The following PRKG1 variants were observed in gnomAD, a reference collection of about 807,000 sequenced individuals.
The protein encoded by PRKG1 is protein kinase cGMP-dependent 1, also known as cGMP-dependent protein kinase 1.
Under a neutral mutation model 88.1 loss-of-function variants are expected in PRKG1, and 35 were observed. The ratio of observed to expected loss-of-function variants is 0.40; its 90% CI spans 0.30 to 0.53. The LOEUF (loss-of-function observed/expected upper bound fraction) is 0.53. Among genes scored for constraint, PRKG1 ranks in the 20% least tolerant of loss-of-function variants. The pLI, the probability that PRKG1 is intolerant of heterozygous loss-of-function variation, is 0.59. For synonymous variants in PRKG1, 303 were observed against 292.5 expected (o/e 1.04, Z -0.37); for missense variants, 540 against 839.8 (o/e 0.64, Z 4.41).
In PRKG1 at chr10:51,884,392, T is replaced by C. The variant is rs1261918717; in HGVS notation, c.699-23115T>C. 2.0e-4 allele frequency among the ~76,000 whole-genome samples: 23 copies of C among 115,242 alleles called. No homozygotes were observed. The East Asian group carries it at 5.8e-3, about 29-fold the overall frequency. 75.6% of individuals were successfully genotyped at this position (115,242 alleles called of 152,430 possible). On this transcript the variant is annotated intron_variant, in intron 4 of 17. Transcript: ENST00000373980. ...CCCGGGAGGCGGAGCTTGCAGTGAGTCGAGATCGCGCCACTGCACTCCAGC... is the reference window on the plus strand; with the variant it reads ...CCCGGGAGGCGGAGCTTGCAGTGAGCCGAGATCGCGCCACTGCACTCCAGC...
Position 51,719,634 on chromosome 10 carries a change from C to T in PRKG1, c.593-84951C>T, listed in dbSNP as rs142541488. The stretch of plus-strand genomic sequence containing the variant: ...CAGAAAAAGGATATTAGTGGAAAAA[C>T]AGTGAAATCTAAATAATGTTTGTAA... On this transcript the variant is annotated intron_variant, in intron 3 of 17. Transcript: ENST00000373980. Among the ~76,000 whole-genome samples, 398 of 152,226 alleles carry T rather than the reference C, an allele frequency of 2.6e-3. 8 individuals carry two copies. The East Asian group carries it at 0.032, about 12-fold the overall frequency.
At chr10:51,058,010 G>A (rs2660200) in intron 1 of PRKG1, among the ~76,000 whole-genome samples, 131,927 of 152,112 alleles carry the variant, frequency 0.87, 57,337 homozygotes, top group African/African-American at 0.92. Flanking sequence ...TTGTTCCACA[G>A]ACTAAGGATT....
At chr10:51,597,417 A>G (rs980123037) in intron 3 of PRKG1, among the ~76,000 whole-genome samples, 7 of 152,218 alleles carry the variant, frequency 4.6e-5, no homozygotes, top group Non-Finnish European at 7.3e-5. Context: ...CATTTATTTA[A>G]GAGCTATTGA....
At chr10:51,834,376 A>G (rs934517378) in intron 4 of PRKG1, among the ~76,000 whole-genome samples, 2 of 152,242 alleles carry the variant, frequency 1.3e-5, no homozygotes, top group East Asian at 3.9e-4. Flanking sequence ...GCCATGGCTC[A>G]CACCTGTAAT....
At chr10:52,107,593 A>G (rs1847456814) in intron 7 of PRKG1, among the ~76,000 whole-genome samples, 1 of 152,182 alleles carries the variant, frequency 6.6e-6, no homozygotes, top group African/African-American at 2.4e-5. Flanking sequence ...AATCACTTGA[A>G]CTTTAAAAAT....
At chr10:51,856,345 C>A (rs1197110488) in intron 4 of PRKG1, among the ~76,000 whole-genome samples, 1 of 152,110 alleles carries the variant, frequency 6.6e-6, no homozygotes, top group Non-Finnish European at 1.5e-5. Context: ...TTCTGCTCTG[C>A]CATTTTCTAG....
intron 3 of PRKG1, among the ~76,000 whole-genome samples, chr10:51,563,240 C>T (rs1837516817): frequency 1.3e-5 from 2 of 152,026 alleles, no homozygotes; most frequent in Non-Finnish European, 2.9e-5. Flanking sequence ...TGTTGTACAC[C>T]ACTGTAGATT....
At position 51,897,938 on chromosome 10, in the gene PRKG1, A is replaced by G. The variant is rs79131948; in HGVS notation, c.699-9569A>G. ...AAATCCTGCAATGGCTCTACATTTCACTCAGAATAAAGCTAAGCTCTTACA... is the reference window on the plus strand; with the variant it reads ...AAATCCTGCAATGGCTCTACATTTCGCTCAGAATAAAGCTAAGCTCTTACA... On this transcript the variant is annotated intron_variant, in intron 4 of 17. Coordinates refer to ENST00000373980, the MANE Select transcript of PRKG1 (RefSeq NM_006258.4). Among the ~76,000 whole-genome samples the G allele has an allele frequency of 5.6e-3, 858 of 151,956 alleles. 5 individuals are homozygous for G. Among genetic ancestry groups the G allele is most frequent in the Non-Finnish European group, 9.3e-3 (632 of 67,972 alleles).
chr10:51,110,153 A>G (rs1844948900), intron 1 of PRKG1, among the ~76,000 whole-genome samples: 1 of 152,068 alleles, frequency 6.6e-6, no homozygotes. Flanking sequence ...TTTTTAAAAA[A>G]ACTGTTAAAC....
At chr10:51,294,987 G>A (rs909467720) in intron 2 of PRKG1, among the ~76,000 whole-genome samples, 1 of 152,116 alleles carries the variant, frequency 6.6e-6, no homozygotes. Flanking sequence ...GGAGACTGAG[G>A]GGGGAGGATT....
chr10:51,884,563 T>A (rs1297440367), intron 4 of PRKG1, among the ~76,000 whole-genome samples: 1 of 149,916 alleles, frequency 6.7e-6, no homozygotes, highest in African/African-American at 2.5e-5. Flanking sequence ...GCTTAAAACA[T>A]GATTTATTGT....
At chr10:51,689,055 A>G (rs183141055) in intron 3 of PRKG1, among the ~76,000 whole-genome samples, 7 of 152,262 alleles carry the variant, frequency 4.6e-5, no homozygotes, top group Admixed American at 4.6e-4. Flanking sequence ...CCATCCATAT[A>G]AGACATGACT....
At chr10:51,167,226 G>A (rs1846571144) in intron 2 of PRKG1, among the ~76,000 whole-genome samples, 1 of 152,146 alleles carries the variant, frequency 6.6e-6, no homozygotes, top group Admixed American at 6.5e-5. Flanking sequence ...TGTGGGTCAG[G>A]GTAGACTTCC....
At chr10:52,280,275 G>T (rs960711204) in intron 12 of PRKG1, among the ~76,000 whole-genome samples, 1 of 151,978 alleles carries the variant, frequency 6.6e-6, no homozygotes, top group African/African-American at 2.4e-5. Flanking sequence ...ACTTATTTCC[G>T]GAGTGGTTCT....
At position 52,133,843 on chromosome 10, in the gene PRKG1, A is replaced by G. The variant is rs201105457; in HGVS notation, c.939A>G (p.Glu313=). 1.1e-5 allele frequency: 18 copies of G among 1,611,722 alleles called. No individual in the cohort carries two copies. The highest frequency in any genetic ancestry group is 1.5e-5 in the Non-Finnish European group (18 of 1,178,276). The change falls in exon 8 of 18, where the codon GAA becomes GAG. Residue 313 remains glutamate, a synonymous_variant. Transcript: ENST00000373980. ...DWFGEKALQG[E]DVRTANVIAA... is the part of the protein sequence containing the mutation. ...AATGTCTCTATTTTTCACATAGGGAAGATGTGAGAACAGCAAACGTAATTG... is the reference window on the plus strand; with the variant it reads ...AATGTCTCTATTTTTCACATAGGGAGGATGTGAGAACAGCAAACGTAATTG...
At chr10:52,056,198 A>C (rs1042696205) in intron 6 of PRKG1, among the ~76,000 whole-genome samples, 9 of 152,150 alleles carry the variant, frequency 5.9e-5, no homozygotes, top group African/African-American at 2.2e-4. Context: ...GTAGTTTATA[A>C]GATAGATTGT....
At chr10:51,680,495 A>G (rs1232540896) in intron 3 of PRKG1, among the ~76,000 whole-genome samples, 1 of 152,188 alleles carries the variant, frequency 6.6e-6, no homozygotes, top group Non-Finnish European at 1.5e-5. Context: ...GACAATTCAC[A>G]CTCAAGGCCT....
In PRKG1 at chr10:51,280,453, C is replaced by T. The variant is rs1381391972; in HGVS notation, c.478+127123C>T. 2.0e-5 allele frequency among the ~76,000 whole-genome samples: 3 copies of T among 152,300 alleles called. No homozygotes were observed. In the East Asian group the frequency reaches 5.8e-4, roughly 29 times the overall value. ...TTGGGGAAGTTCTCCTGGATAATAT[C>T]CTGCAGACTGTTTTCCAACTTGGTT... On this transcript the variant is annotated intron_variant, in intron 2 of 17. Transcript: ENST00000373980.
intron 2 of PRKG1, among the ~76,000 whole-genome samples, chr10:51,368,653 C>G (rs1019604333): frequency 6.6e-6 from 1 of 152,082 alleles, no homozygotes; most frequent in African/African-American, 2.4e-5. Flanking sequence ...TGAGTATTTA[C>G]TATGAACAAT....
Sources: gnomAD v4.1 joint callset for allele counts (sites outside exome capture counted in the v4.1 genomes callset) on GRCh38, gnomAD v4.1.1 for gene constraint, MANE v1.5 for transcripts, NCBI Gene and HGNC (gene_info 2026-07-23, HGNC 2026-07-21) for gene names.